The following PRRC2B variants were observed in gnomAD, a reference collection of about 807,000 sequenced individuals.
PRRC2B encodes proline rich coiled-coil 2B.
A neutral mutation model predicts 242.3 loss-of-function variants in PRRC2B; 68 were observed. That is an observed-to-expected ratio of 0.28 (90% CI 0.23 to 0.34). The LOEUF is 0.34. Ranked by LOEUF, PRRC2B falls within the 10% of genes least tolerant of loss-of-function variation. PRRC2B has a pLI of 1.00. For missense variants in PRRC2B, 2,835 were observed against 2,954.8 expected (o/e 0.96, Z 0.94); for synonymous variants, 1,228 against 1,173.6 (o/e 1.05, Z -0.95).
At chr9:131,394,027 A>AGGAGGC (rs1554756824), upstream of PRRC2B, 1 of 147,234 alleles carries the variant, frequency 6.8e-6, no homozygotes, top group East Asian at 2.1e-4. Context: ...GAGGAGGACG[A>AGGAGGC]GGAGGCGGGG....
At chr9:131,490,868 CTTT>C in intron 28 of PRRC2B, 1 of 318,992 alleles carries the variant, frequency 3.1e-6, no homozygotes, top group East Asian at 7.7e-5. Context: ...TTACTTCTGA[CTTT>C]CCTCACTCGT....
At chr9:131,471,714 A>C (rs368939738) in intron 14 of PRRC2B, among the ~76,000 whole-genome samples, 1 of 152,224 alleles carries the variant, frequency 6.6e-6, no homozygotes, top group African/African-American at 2.4e-5. Context: ...TAATGGCTGT[A>C]GTTTGCTGAC....
intron 28 of PRRC2B, among the ~76,000 whole-genome samples, chr9:131,489,260 C>T (rs755267995): frequency 6.4e-4 from 97 of 151,304 alleles, no homozygotes; most frequent in Non-Finnish European, 1.1e-3. Context: ...TCTCGGCTCA[C>T]TGCAACCTCT....
At chr9:131,454,114 G>T (rs1026232570) in intron 9 of PRRC2B, among the ~76,000 whole-genome samples, 4 of 152,126 alleles carry the variant, frequency 2.6e-5, no homozygotes, top group Non-Finnish European at 2.9e-5. Context: ...TCCTATCAAT[G>T]GAATCAATAT....
intron 8 of PRRC2B, 68 bp downstream of exon 8, chr9:131,447,274 G>C (rs916385214): frequency 7.0e-6 from 11 of 1,582,560 alleles, no homozygotes; most frequent in Non-Finnish European, 9.5e-6. Context: ...CAAGATGAGG[G>C]GCTGATGAAT....
intron 19 of PRRC2B, 131 bp from the exon 20 acceptor site, chr9:131,481,595 G>A: frequency 1.4e-6 from 1 of 709,232 alleles, no homozygotes; most frequent in Non-Finnish European, 2.5e-6. Context: ...AGGGGGCTGG[G>A]GTGGCGGGTG....
chr9:131,422,088 C>T (rs141481885), intron 1 of PRRC2B, among the ~76,000 whole-genome samples: 2 of 152,180 alleles, frequency 1.3e-5, no homozygotes. Flanking sequence ...GGGTGTCTCA[C>T]TCTGTTCCCA....
intron 9 of PRRC2B, among the ~76,000 whole-genome samples, chr9:131,452,903 T>G (rs898034701): frequency 3.3e-5 from 5 of 151,992 alleles, no homozygotes; most frequent in Non-Finnish European, 7.4e-5. Context: ...TATTCTACAG[T>G]TGTTGTTCAG....
intron 1 of PRRC2B, among the ~76,000 whole-genome samples, chr9:131,411,049 A>G (rs1427320614): frequency 1.3e-5 from 2 of 152,128 alleles, no homozygotes; most frequent in African/African-American, 4.8e-5. Context: ...TAAGATCAAG[A>G]GTTGGAGACC....
chr9:131,430,454 G>A lies in PRRC2B; in HGVS notation c.115+195G>A, dbSNP rs376272219. The stretch of plus-strand genomic sequence containing the variant: ...TGAGCATCCTGACTCTTTCTGTAGT[G>A]GAATTTTCTCCATCTATTACCTTAT... On this transcript the variant is annotated intron_variant, in intron 2 of 31. Coordinates refer to ENST00000683519, the MANE Select transcript of PRRC2B (RefSeq NM_013318.4). Among the ~76,000 whole-genome samples the A allele has an allele frequency of 1.2e-3, 184 of 150,368 alleles. 1 individual carries two copies. Among genetic ancestry groups the A allele is most frequent in the African/African-American group, 3.9e-3 (159 of 40,806 alleles).
At chr9:131,392,632 T>C (rs890849911), upstream of PRRC2B, among the ~76,000 whole-genome samples, 4 of 152,064 alleles carry the variant, frequency 2.6e-5, no homozygotes, top group Non-Finnish European at 5.9e-5. Context: ...GATTTGATGA[T>C]GTAAAACAGA....
At position 131,426,505 on chromosome 9, in the gene PRRC2B, CTT is replaced by C. The variant is rs1837981537; in HGVS notation, c.-51-3586_-51-3585del. On this transcript the variant is annotated intron_variant, in intron 1 of 31. Transcript: ENST00000683519. ...GGAACGATGCTCTTATTAATTATGACTTTTGGGGAGTGGGACAGCAACTCCCT... is the reference window on the plus strand; with the variant it reads ...GGAACGATGCTCTTATTAATTATGACTTGGGGAGTGGGACAGCAACTCCCT... Among the ~76,000 whole-genome samples, 4 of 152,060 alleles carry C rather than the reference CTT, an allele frequency of 2.6e-5. 1 individual carries two copies. The South Asian group carries it at 6.2e-4, about 24-fold the overall frequency.
At chr9:131,465,173 G>A (rs549342406) in intron 12 of PRRC2B, 95 bp downstream of exon 12, 176 of 1,215,364 alleles carry the variant, frequency 1.4e-4, no homozygotes, top group South Asian at 7.4e-4. Context: ...CTAGCAGAAC[G>A]TATGGCTTAC....
intron 16 of PRRC2B, among the ~76,000 whole-genome samples, chr9:131,476,924 G>A (rs1943720614): frequency 6.6e-6 from 1 of 152,214 alleles, no homozygotes; most frequent in South Asian, 2.1e-4. Flanking sequence ...GTCCTAGGGG[G>A]CATCGCTGGC....
chr9:131,406,779 C>A (rs1233559684), intron 1 of PRRC2B, among the ~76,000 whole-genome samples: 1 of 152,088 alleles, frequency 6.6e-6, no homozygotes, highest in East Asian at 1.9e-4. Context: ...AACAATGTAA[C>A]AGTTACAATA....
intron 1 of PRRC2B, among the ~76,000 whole-genome samples, chr9:131,404,690 C>G (rs1288439744): frequency 6.6e-6 from 1 of 152,228 alleles, no homozygotes; most frequent in African/African-American, 2.4e-5. Context: ...TGCTGCTGCC[C>G]TTTCACGTGA....
intron 9 of PRRC2B, among the ~76,000 whole-genome samples, chr9:131,453,333 T>C (rs1488123934): frequency 1.5e-4 from 23 of 152,258 alleles, no homozygotes; most frequent in Admixed American, 1.5e-3. Context: ...AACTTGCTTT[T>C]TCAGTTCCTA....
intron 1 of PRRC2B, among the ~76,000 whole-genome samples, chr9:131,410,124 C>G (rs866993602): frequency 1.3e-5 from 2 of 152,174 alleles, no homozygotes; most frequent in Admixed American, 6.6e-5. Flanking sequence ...TTCCCCACCC[C>G]CCTTGCTAAA....
rs1944069146 is a variant in PRRC2B, at chr9:131,487,801, A to T, written c.5985-55A>T. The T allele has an allele frequency of 5.7e-6, 9 of 1,566,942 alleles. No individual in the cohort carries two copies. The highest frequency in any genetic ancestry group is 1.7e-4 in the Middle Eastern group (1 of 5,824). On this transcript the variant is annotated intron_variant, in intron 27 of 31. Coordinates refer to ENST00000683519, the MANE Select transcript of PRRC2B (RefSeq NM_013318.4). This position sits in a 1 kb window ranked among gnomAD's most constrained non-coding sequence, Gnocchi z 5.3. Reference sequence around the variant, plus strand: ...CCGGGGATCTCTGAAGGGTGGGACCAGATCCGCAGCTGGACTCATCCACCT... The same window carrying T: ...CCGGGGATCTCTGAAGGGTGGGACCTGATCCGCAGCTGGACTCATCCACCT...
Sources: gnomAD v4.1 joint callset for allele counts (sites outside exome capture counted in the v4.1 genomes callset) on GRCh38, gnomAD v4.1.1 for gene constraint, Gnocchi (gnomAD v3.1) non-coding constraint, MANE v1.5 for transcripts, NCBI Gene and HGNC (gene_info 2026-07-23, HGNC 2026-07-21) for gene names.